Variants in AGBL4 observed in about 807,000 individuals in gnomAD.
AGBL4 encodes cytosolic carboxypeptidase 6.
AGBL4 carries 58 observed loss-of-function variants against 66.4 expected under a neutral mutation model. The observed-to-expected ratio is 0.87, with a 90% CI of 0.71 to 1.09. The LOEUF (loss-of-function observed/expected upper bound fraction) is 1.09. Among genes scored for constraint, AGBL4 ranks in the 50% least tolerant of loss-of-function variants. The pLI, the probability that AGBL4 is intolerant of heterozygous loss-of-function variation, is 0.00. For missense variants in AGBL4, 579 were observed against 631.0 expected (o/e 0.92, Z 0.88); for synonymous variants, 234 against 222.9 (o/e 1.05, Z -0.44).
intron 6 of AGBL4, among the ~76,000 whole-genome samples, chr1:48,687,286 G>C (rs1418660240): frequency 6.6e-6 from 1 of 152,190 alleles, no homozygotes; most frequent in Non-Finnish European, 1.5e-5. Context: ...CCAACCACTG[G>C]CATCAATTAA....
At chr1:49,450,405 T>C (rs1231987847) in intron 3 of AGBL4, among the ~76,000 whole-genome samples, 1 of 152,044 alleles carries the variant, frequency 6.6e-6, no homozygotes, top group Non-Finnish European at 1.5e-5. Flanking sequence ...TGAGCAGAGT[T>C]GGAAGAGCTC....
chr1:49,247,157 C>A (rs1038108135), intron 3 of AGBL4, among the ~76,000 whole-genome samples: 3 of 151,870 alleles, frequency 2.0e-5, no homozygotes, highest in African/African-American at 7.3e-5. Flanking sequence ...CACTAAGATT[C>A]CAAAATTCCA....
chr1:50,008,001 A>G (rs1431250145), intron 1 of AGBL4, among the ~76,000 whole-genome samples: 2 of 133,584 alleles, frequency 1.5e-5, no homozygotes, highest in Non-Finnish European at 3.3e-5. Context: ...TATGTACCCC[A>G]CACTGGAGCA....
intron 3 of AGBL4, among the ~76,000 whole-genome samples, chr1:49,471,168 C>T (rs751134505): frequency 2.6e-5 from 4 of 151,906 alleles, no homozygotes; most frequent in Non-Finnish European, 5.9e-5. Context: ...CCAGGAAAAA[C>T]TTTCTAGTCA....
chr1:49,350,729 A>G (rs1233281663), intron 3 of AGBL4, among the ~76,000 whole-genome samples: 3 of 152,044 alleles, frequency 2.0e-5, no homozygotes, highest in Non-Finnish European at 2.9e-5. Flanking sequence ...ACTGCACCCA[A>G]TGTGTAGTCT....
At chr1:49,584,396 T>C (rs1299977239) in intron 3 of AGBL4, among the ~76,000 whole-genome samples, 2 of 152,208 alleles carry the variant, frequency 1.3e-5, no homozygotes, top group African/African-American at 2.4e-5. Flanking sequence ...TGTAATTTTC[T>C]TACAGTATCC....
intron 2 of AGBL4, among the ~76,000 whole-genome samples, chr1:49,811,509 T>C (rs139086699): frequency 4.6e-5 from 7 of 152,262 alleles, no homozygotes; most frequent in Admixed American, 4.6e-4. Context: ...GAAGACAAAT[T>C]CCCTAAGGAT....
intron 5 of AGBL4, among the ~76,000 whole-genome samples, chr1:48,991,810 G>C (rs185459717): frequency 1.5e-4 from 23 of 151,870 alleles, no homozygotes; most frequent in Admixed American, 7.2e-4. Context: ...GTATTTTTCA[G>C]CTCCAGAATT....
chr1:49,014,346 T>C (rs1662661574), intron 5 of AGBL4, among the ~76,000 whole-genome samples: 2 of 152,210 alleles, frequency 1.3e-5, no homozygotes, highest in Non-Finnish European at 2.9e-5. Flanking sequence ...CAAGAGGTAG[T>C]ATAATATTGT....
chr1:48,814,609 CT>C (rs10708061), intron 6 of AGBL4, among the ~76,000 whole-genome samples: 108,398 of 131,636 alleles, frequency 0.82, 45,210 homozygotes, highest in South Asian at 0.93. Context: ...ATGAGATCAA[CT>C]TTTTTTTTTT....
chr1:49,923,614 T>C (rs907057881), intron 1 of AGBL4, among the ~76,000 whole-genome samples: 20 of 150,938 alleles, frequency 1.3e-4, no homozygotes, highest in African/African-American at 4.4e-4. Flanking sequence ...AACAAACATA[T>C]AAGAAAAAAC....
intron 6 of AGBL4, among the ~76,000 whole-genome samples, chr1:48,842,728 T>C (rs1481501638): frequency 6.6e-6 from 1 of 152,170 alleles, no homozygotes; most frequent in African/African-American, 2.4e-5. Flanking sequence ...TCCAGGTTCT[T>C]AGCAGCATTC....
chr1:49,083,062 T>C (rs976637328), intron 4 of AGBL4, among the ~76,000 whole-genome samples: 1 of 152,202 alleles, frequency 6.6e-6, no homozygotes, highest in African/African-American at 2.4e-5. Context: ...TGGATTCTCA[T>C]GGTCTTGGGC....
At chr1:49,781,929 T>C (rs1644347099) in intron 2 of AGBL4, among the ~76,000 whole-genome samples, 1 of 152,000 alleles carries the variant, frequency 6.6e-6, no homozygotes, top group African/African-American at 2.4e-5. Flanking sequence ...AATTAGAAAA[T>C]ACTTTGATTT....
intron 9 of AGBL4, among the ~76,000 whole-genome samples, chr1:48,597,543 C>T (rs1645011480): frequency 6.6e-6 from 1 of 151,924 alleles, no homozygotes; most frequent in Admixed American, 6.6e-5. Flanking sequence ...TGATAAGAAC[C>T]AGCCATTCAG....
Position 50,023,836 on chromosome 1 carries a change from CG to C in AGBL4, c.-41del. The stretch of plus-strand genomic sequence containing the variant: ...AGTCTCCGAGCTCACGCGAAGACCG[CG>C]GGGCAGTAGGGAGCGGGTGGTGGGA... On this transcript the variant is annotated 5_prime_UTR_variant, in exon 1 of 14. Transcript: ENST00000371839. The C allele has an allele frequency of 6.5e-7, 1 of 1,544,630 alleles. No individual in the cohort carries two copies. The highest frequency in any genetic ancestry group is 1.4e-5 in the African/African-American group (1 of 72,778).
At chr1:49,289,426 T>G (rs1163964013) in intron 3 of AGBL4, among the ~76,000 whole-genome samples, 1 of 152,146 alleles carries the variant, frequency 6.6e-6, no homozygotes, top group Non-Finnish European at 1.5e-5. Flanking sequence ...ATTATATGAT[T>G]CTATTTATAA....
intron 5 of AGBL4, among the ~76,000 whole-genome samples, chr1:49,045,055 C>G (rs937697363): frequency 1.3e-5 from 2 of 152,138 alleles, no homozygotes; most frequent in Admixed American, 6.5e-5. Context: ...GAAACTAAAC[C>G]TGGAGCAGGA....
At chr1:49,887,914 C>A (rs981375751) in intron 1 of AGBL4, among the ~76,000 whole-genome samples, 2 of 152,042 alleles carry the variant, frequency 1.3e-5, no homozygotes, top group African/African-American at 4.8e-5. Flanking sequence ...AAAACTGCAA[C>A]CTTCAAACAT....
Sources: gnomAD v4.1 joint callset for allele counts (sites outside exome capture counted in the v4.1 genomes callset) on GRCh38, gnomAD v4.1.1 for gene constraint, MANE v1.5 for transcripts, NCBI Gene and HGNC (gene_info 2026-07-23, HGNC 2026-07-21) for gene names.